The following DPP6 variants were observed in gnomAD, a reference collection of about 807,000 sequenced individuals.
DPP6 encodes the protein A-type potassium channel modulatory protein DPP6.
DPP6 carries 69 observed loss-of-function variants against 122.6 expected under a neutral mutation model. The ratio of observed to expected loss-of-function variants is 0.56; its 90% CI spans 0.46 to 0.69. DPP6 has a LOEUF of 0.69. Among genes scored for constraint, DPP6 ranks in the 30% least tolerant of loss-of-function variants. The probability of loss-of-function intolerance (pLI) is 0.00; values close to 1 mark genes in which losing one functional copy is unlikely to be tolerated. For missense variants in DPP6, 928 were observed against 1,116.9 expected (o/e 0.83, Z 2.41); for synonymous variants, 418 against 433.1 (o/e 0.97, Z 0.43).
chr7:153,896,949 C>A (rs1412212782), intron 1 of DPP6, among the ~76,000 whole-genome samples: 2 of 152,132 alleles, frequency 1.3e-5, no homozygotes, highest in Admixed American at 1.3e-4. Flanking sequence ...TAAGAGGGTT[C>A]TGTTTTGTTA....
chr7:154,123,978 C>G (rs1419683525), intron 1 of DPP6, among the ~76,000 whole-genome samples: 1 of 151,932 alleles, frequency 6.6e-6, no homozygotes, highest in Non-Finnish European at 1.5e-5. Context: ...ACTATGATTA[C>G]CTGGGACAGA....
At chr7:153,900,535 A>G (rs1799601497) in intron 1 of DPP6, among the ~76,000 whole-genome samples, 1 of 152,188 alleles carries the variant, frequency 6.6e-6, no homozygotes, top group East Asian at 1.9e-4. Flanking sequence ...TAGAGGGAAC[A>G]AGAGAGAGAG....
At chr7:154,133,211 C>A (rs1158648555) in intron 1 of DPP6, among the ~76,000 whole-genome samples, 1 of 152,156 alleles carries the variant, frequency 6.6e-6, no homozygotes, top group Non-Finnish European at 1.5e-5. Flanking sequence ...AAATTGAATG[C>A]CCCAGGTCAC....
intron 1 of DPP6, among the ~76,000 whole-genome samples, chr7:154,430,669 G>A (rs746343005): frequency 5.9e-5 from 9 of 152,166 alleles, no homozygotes; most frequent in Admixed American, 1.3e-4. Flanking sequence ...CCCTTTGGTG[G>A]TGTTTGCATA....
At chr7:153,799,205 C>A in the DPP6 span, among the ~76,000 whole-genome samples, 1 of 152,138 alleles carries the variant, frequency 6.6e-6, no homozygotes, top group Non-Finnish European at 1.5e-5. Flanking sequence ...AAATTCTTCA[C>A]CTTCACAGTT....
the DPP6 span, among the ~76,000 whole-genome samples, chr7:153,809,379 C>G: frequency 6.6e-6 from 1 of 152,166 alleles, no homozygotes; most frequent in Non-Finnish European, 1.5e-5. Flanking sequence ...TACATCATGT[C>G]TGCTCATCCC....
At position 154,512,920 on chromosome 7, in the gene DPP6, G is replaced by A. The variant is rs1826200785; in HGVS notation, c.458-27612G>A. Among the ~76,000 whole-genome samples, 4 of 152,142 alleles carry A rather than the reference G, an allele frequency of 2.6e-5. No individual in the cohort carries two copies. In the South Asian group the frequency reaches 8.3e-4, roughly 32 times the overall value. On this transcript the variant is annotated intron_variant, in intron 3 of 25. Transcript: ENST00000377770. ...AACTGTGGGAGACCATAGACTAGACGATGGCTTTCTTACCTGCAGGAACAG... is the reference window on the plus strand; with the variant it reads ...AACTGTGGGAGACCATAGACTAGACAATGGCTTTCTTACCTGCAGGAACAG...
chr7:154,009,455 T>C (rs921599761), intron 1 of DPP6, among the ~76,000 whole-genome samples: 10 of 143,956 alleles, frequency 6.9e-5, no homozygotes, highest in Admixed American at 6.9e-4. Flanking sequence ...GCAGCGGGTT[T>C]CCAGACCCCA....
chr7:153,820,359 T>A, the DPP6 span, among the ~76,000 whole-genome samples: 4 of 152,252 alleles, frequency 2.6e-5, no homozygotes, highest in Non-Finnish European at 5.9e-5. Context: ...TCTCAATCTT[T>A]TAAGAAAATA....
At chr7:154,124,034 C>T (rs1234709534) in intron 1 of DPP6, among the ~76,000 whole-genome samples, 1 of 151,866 alleles carries the variant, frequency 6.6e-6, no homozygotes, top group Non-Finnish European at 1.5e-5. Flanking sequence ...ACATGCCGCC[C>T]ACGCACGGGG....
At chr7:154,518,120 A>G (rs1469330706) in intron 3 of DPP6, among the ~76,000 whole-genome samples, 3 of 152,232 alleles carry the variant, frequency 2.0e-5, no homozygotes, top group Non-Finnish European at 4.4e-5. Context: ...AAGACCTGAT[A>G]TGCCATTCAT....
intron 3 of DPP6, among the ~76,000 whole-genome samples, chr7:154,482,298 G>C (rs1823377190): frequency 6.6e-6 from 1 of 152,050 alleles, no homozygotes; most frequent in African/African-American, 2.4e-5. Flanking sequence ...GGCAATGAAG[G>C]GGGCAAAGGG....
At chr7:154,456,292 A>G (rs1820821603) in intron 2 of DPP6, among the ~76,000 whole-genome samples, 1 of 152,182 alleles carries the variant, frequency 6.6e-6, no homozygotes, top group African/African-American at 2.4e-5. Context: ...TCAGATTGCT[A>G]CTTCATAATC....
chr7:154,638,409 A>G (rs1484918841), intron 6 of DPP6, among the ~76,000 whole-genome samples: 3 of 152,156 alleles, frequency 2.0e-5, no homozygotes, highest in African/African-American at 7.2e-5. Flanking sequence ...TGCTCTACCC[A>G]TCACTCCGAG....
chr7:154,587,864 T>G, intron 5 of DPP6: 1 of 1,612,850 alleles, frequency 6.2e-7, no homozygotes, highest in Non-Finnish European at 8.5e-7. Flanking sequence ...GGGGGACCTG[T>G]TTCAGATATT....
At chr7:153,972,349 C>T (rs1585113362) in intron 1 of DPP6, among the ~76,000 whole-genome samples, 1 of 151,690 alleles carries the variant, frequency 6.6e-6, no homozygotes. Context: ...CTCACAAACA[C>T]TAAGTCAAAA....
intron 1 of DPP6, among the ~76,000 whole-genome samples, chr7:154,203,746 AGT>A (rs1284375992): frequency 6.6e-6 from 1 of 152,252 alleles, no homozygotes; most frequent in Non-Finnish European, 1.5e-5. Context: ...GTGAGGCCGT[AGT>A]GCAGTGGAAG....
intron 1 of DPP6, among the ~76,000 whole-genome samples, chr7:153,933,321 G>A (rs1250184953): frequency 6.6e-6 from 1 of 151,994 alleles, no homozygotes; most frequent in Non-Finnish European, 1.5e-5. Context: ...ACAGCTCTAA[G>A]CTGTCTCTGG....
Position 154,062,813 on chromosome 7 carries a change from G to T in DPP6, c.243+9750G>T, listed in dbSNP as rs535700119. Among the ~76,000 whole-genome samples the T allele has an allele frequency of 1.2e-4, 15 of 124,680 alleles. 4 individuals carry two copies. In the East Asian group the frequency reaches 1.7e-3, roughly 14 times the overall value. 81.8% of individuals were successfully genotyped at this position (124,680 alleles called of 152,430 possible). ...GCTCTTAGGACCCCCATCGCAGAGG[G>T]GGGAGGCACCCCCCGCGAGGCGGGG... is the stretch of plus-strand genomic sequence containing the variant. On this transcript the variant is annotated intron_variant, in intron 1 of 25. Coordinates refer to ENST00000377770, the MANE Select transcript of DPP6 (RefSeq NM_130797.4).
Sources: gnomAD v4.1 joint callset for allele counts (sites outside exome capture counted in the v4.1 genomes callset) on GRCh38, gnomAD v4.1.1 for gene constraint, MANE v1.5 for transcripts, NCBI Gene and HGNC (gene_info 2026-07-23, HGNC 2026-07-21) for gene names.